Variants in ZIC4 observed in about 807,000 individuals in gnomAD.
ZIC4 encodes zinc finger protein ZIC 4.
In ZIC4, 15 loss-of-function variants were observed where a neutral mutation model predicts 28.8. That is an observed-to-expected ratio of 0.52 (90% CI 0.35 to 0.80). The LOEUF is 0.80. Ranked by LOEUF, ZIC4 falls within the 30% of genes least tolerant of loss-of-function variation. The pLI is 0.01. For missense variants in ZIC4, 512 were observed against 467.1 expected (o/e 1.10, Z -0.89); for synonymous variants, 220 against 198.1 (o/e 1.11, Z -0.93).
rs1034737260 is a variant in ZIC4 at position 147,388,804 on chromosome 3, T to C, written c.*55A>G. 1.3e-6 allele frequency: 1 copy of C among 770,832 alleles called. No homozygotes were observed. The highest frequency in any genetic ancestry group is 1.8e-5 in the Admixed American group (1 of 56,266). The allele number at this position is 770,832 out of a possible 1,614,324, so 47.7% of individuals were successfully genotyped here. A position where few individuals can be genotyped will look rare whatever the true frequency, so the allele number is the denominator to read the frequency against. On this transcript the variant is annotated 3_prime_UTR_variant, in exon 5 of 5. Transcript: ENST00000383075. ...GCCCTTTGATGTAGCAGGCGCGAGA[T>C]GCGGGGCGCTCAGCTGCGCGGAGCG...
chr3:147,404,368 C>G (rs2087230576), intron 1 of ZIC4: 2 of 1,125,414 alleles, frequency 1.8e-6, no homozygotes, highest in Non-Finnish European at 2.2e-6. Flanking sequence ...GGGCAGGCAA[C>G]AGGGACCTTA....
At chr3:147,391,495 A>T (rs2086918102) in intron 3 of ZIC4, 2 of 409,634 alleles carry the variant, frequency 4.9e-6, no homozygotes, top group South Asian at 1.3e-4. Context: ...ATGGAGGAGG[A>T]GCGACAGTGA....
rs2086911633 is a variant in ZIC4 at position 147,391,262 on chromosome 3, CAG to C, written c.689-18_689-17del. 1 of 1,566,300 alleles carries C rather than the reference CAG, an allele frequency of 6.4e-7. No individual in the cohort carries two copies. Among genetic ancestry groups the C allele is most frequent in the Non-Finnish European group, 8.7e-7 (1 of 1,150,130 alleles). ...GGCTTCTCGCCTGGCGGAGGCAACGCAGAGACATTAGTGCTTGTGGGTCGTGT... is the reference window on the plus strand; with the variant it reads ...GGCTTCTCGCCTGGCGGAGGCAACGCAGACATTAGTGCTTGTGGGTCGTGT... On this transcript the variant is annotated splice_polypyrimidine_tract_variant and intron_variant, in intron 3 of 4. Transcript: ENST00000383075.
At chr3:147,389,866 C>T (rs2086875250) in intron 4 of ZIC4, among the ~76,000 whole-genome samples, 1 of 152,150 alleles carries the variant, frequency 6.6e-6, no homozygotes, top group Admixed American at 6.5e-5. Flanking sequence ...ACACGGCCGC[C>T]TAGGTCAGGT....
intron 1 of ZIC4, chr3:147,404,389 T>G: frequency 1.1e-6 from 1 of 921,214 alleles, no homozygotes; most frequent in Non-Finnish European, 1.4e-6. Flanking sequence ...GGAGGCTCTC[T>G]GTAGCGTTTC....
chr3:147,404,604 C>T (rs1471462270), intron 1 of ZIC4, among the ~76,000 whole-genome samples: 1 of 152,242 alleles, frequency 6.6e-6, no homozygotes. Flanking sequence ...CTCCCCACAT[C>T]AACCACGGCC....
At chr3:147,402,283 A>T (rs1010528523) in intron 2 of ZIC4, among the ~76,000 whole-genome samples, 2 of 152,208 alleles carry the variant, frequency 1.3e-5, no homozygotes, top group Non-Finnish European at 2.9e-5. Flanking sequence ...GGTAAAGATG[A>T]TGTATATCAT....
chr3:147,390,895 G>T, intron 4 of ZIC4, 36 bp downstream of exon 4: 1 of 1,565,758 alleles, frequency 6.4e-7, no homozygotes, highest in Non-Finnish European at 8.6e-7. Context: ...CGCGGCGGGG[G>T]CAGCCGCTAT....
intron 4 of ZIC4, among the ~76,000 whole-genome samples, chr3:147,389,927 C>T (rs1472973886): frequency 6.6e-6 from 1 of 152,156 alleles, no homozygotes; most frequent in Non-Finnish European, 1.5e-5. Flanking sequence ...TCGCTCTACA[C>T]CCGGAGCCCA....
Position 147,396,634 on chromosome 3 carries a change from G to T in ZIC4, c.71-165C>A. 2.3e-6 allele frequency: 2 copies of T among 857,336 alleles called. No homozygotes were observed. The highest frequency in any genetic ancestry group is 2.8e-5 in the South Asian group (1 of 36,110). 53.1% of individuals were successfully genotyped at this position (857,336 alleles called of 1,614,324 possible). On this transcript the variant is annotated intron_variant, in intron 2 of 4. Transcript: ENST00000383075. The surrounding 1 kb of genome is among the most constrained non-coding windows in gnomAD (Gnocchi z 4.2). ...GCAGTGAACCCGGTGGACAGAGCAA[G>T]GCCAAACACCTCCGCCGCCATTGGG...
At position 147,391,077 on chromosome 3, in the gene ZIC4, C is replaced by T. The variant is rs1424667738; in HGVS notation, c.858G>A (p.Lys286=). 7 of 1,614,112 alleles carry T rather than the reference C, an allele frequency of 4.3e-6. No individual in the cohort carries two copies. Among genetic ancestry groups the T allele is most frequent in the Non-Finnish European group, 5.9e-6 (7 of 1,180,046 alleles). The stretch of plus-strand genomic sequence containing the variant: ...TGGGCGGCGGCGAGCGCCCGTGCAC[C>T]TTCATGTGCTTACGCAGCGAGCTGG... ...THPSSLRKHM[K]VHGRSPPPSS... The change falls in exon 4 of 5, where the codon AAG becomes AAA. Residue 286 remains lysine, a synonymous_variant. Coordinates refer to ENST00000383075, the MANE Select transcript of ZIC4 (RefSeq NM_032153.6).
chr3:147,400,597 C>A (rs2087144840), intron 2 of ZIC4, among the ~76,000 whole-genome samples: 1 of 152,212 alleles, frequency 6.6e-6, no homozygotes, highest in Non-Finnish European at 1.5e-5. Flanking sequence ...CTAAACCCAG[C>A]AATGGGACCA....
At chr3:147,389,943 C>G (rs570190078) in intron 4 of ZIC4, among the ~76,000 whole-genome samples, 7 of 152,266 alleles carry the variant, frequency 4.6e-5, no homozygotes, top group African/African-American at 7.2e-5. Flanking sequence ...GCCCAAGCAC[C>G]TACAAGACTA....
intron 1 of ZIC4, chr3:147,405,357 G>A (rs1432737399): frequency 6.5e-7 from 1 of 1,531,500 alleles, no homozygotes; most frequent in Non-Finnish European, 8.7e-7. Flanking sequence ...CTGTCGGAAA[G>A]CGGGGAAAAC....
chr3:147,397,477 C>G (rs2087075364), intron 2 of ZIC4, among the ~76,000 whole-genome samples: 1 of 152,112 alleles, frequency 6.6e-6, no homozygotes, highest in African/African-American at 2.4e-5. Context: ...GGCACAAATC[C>G]TTTTCTCTCC....
chr3:147,402,439 G>A lies in ZIC4; in HGVS notation c.70+289C>T, dbSNP rs1313412356. ...ACAGTGGAATTGCAGAAGGTCAGGG[G>A]TGGTTGTTTCAATGAGAGAATCGTC... On this transcript the variant is annotated intron_variant, in intron 2 of 4. Coordinates refer to ENST00000383075, the MANE Select transcript of ZIC4 (RefSeq NM_032153.6). Among the ~76,000 whole-genome samples, 5 of 152,190 alleles carry A rather than the reference G, an allele frequency of 3.3e-5. No homozygotes were observed. In the South Asian group the frequency reaches 6.2e-4, roughly 19 times the overall value.
intron 2 of ZIC4, among the ~76,000 whole-genome samples, 198 bp downstream of exon 2, chr3:147,402,530 C>T (rs946414581): frequency 3.3e-5 from 5 of 151,980 alleles, no homozygotes; most frequent in African/African-American, 7.3e-5. Context: ...GCTGGTGGGA[C>T]GTTGTGTCAT....
At chr3:147,405,756 G>A (rs1576466450) in intron 1 of ZIC4, 3 of 492,830 alleles carry the variant, frequency 6.1e-6, no homozygotes, top group Non-Finnish European at 1.1e-5. Flanking sequence ...GCAAGGAGCC[G>A]CCCTGAGGTG....
chr3:147,395,454 C>T (rs1015568263), intron 3 of ZIC4, among the ~76,000 whole-genome samples: 1 of 152,190 alleles, frequency 6.6e-6, no homozygotes, highest in African/African-American at 2.4e-5. Context: ...ATCAGGACTA[C>T]AGGTGGAAGA....
Sources: allele counts gnomAD v4.1 joint callset (sites outside exome capture counted in the v4.1 genomes callset), GRCh38; gene constraint gnomAD v4.1.1; non-coding constraint Gnocchi (gnomAD v3.1); transcripts MANE v1.5; gene names NCBI Gene and HGNC (gene_info 2026-07-23, HGNC 2026-07-21).